The following CACNA2D3 variants were observed in gnomAD, a reference collection of about 807,000 sequenced individuals.
The protein encoded by CACNA2D3 is calcium voltage-gated channel auxiliary subunit alpha2delta 3, also known as voltage-dependent calcium channel subunit alpha-2/delta-3.
CACNA2D3 carries 60 observed loss-of-function variants against 160.6 expected under a neutral mutation model. The observed-to-expected ratio is 0.37, with a 90% CI of 0.30 to 0.46. The LOEUF is 0.46. Among genes scored for constraint, CACNA2D3 ranks in the 20% least tolerant of loss-of-function variants. CACNA2D3 has a pLI of 1.00. For missense variants in CACNA2D3, 1,205 were observed against 1,365.0 expected (o/e 0.88, Z 1.85); for synonymous variants, 558 against 492.9 (o/e 1.13, Z -1.75).
chr3:54,991,224 ATT>A (rs72441718), intron 31 of CACNA2D3, among the ~76,000 whole-genome samples: 19 of 138,642 alleles, frequency 1.4e-4, no homozygotes, highest in Admixed American at 1.5e-4. Flanking sequence ...AGTGTCGAGT[ATT>A]TTTTTTTTTT....
At chr3:54,733,172 C>T (rs573872291) in intron 11 of CACNA2D3, among the ~76,000 whole-genome samples, 70 of 152,300 alleles carry the variant, frequency 4.6e-4, no homozygotes, top group African/African-American at 1.6e-3. Flanking sequence ...TTAACTATCT[C>T]GGGACTTTTG....
At chr3:54,751,443 CTG>C (rs1452996693) in intron 11 of CACNA2D3, among the ~76,000 whole-genome samples, 4 of 149,870 alleles carry the variant, frequency 2.7e-5, no homozygotes, top group Non-Finnish European at 5.9e-5. Flanking sequence ...TTATAATCCA[CTG>C]TAAGCGTTTT....
At chr3:54,936,866 T>G (rs988209535) in intron 27 of CACNA2D3, among the ~76,000 whole-genome samples, 1 of 152,168 alleles carries the variant, frequency 6.6e-6, no homozygotes, top group Non-Finnish European at 1.5e-5. Flanking sequence ...TTGTCAACAT[T>G]TCATTTGTGA....
chr3:54,631,380 AAC>A (rs780292223), intron 10 of CACNA2D3, among the ~76,000 whole-genome samples: 11 of 152,204 alleles, frequency 7.2e-5, no homozygotes, highest in Non-Finnish European at 1.2e-4. Flanking sequence ...CTCTTTGACA[AAC>A]ACAGAGGTGG....
At chr3:54,265,640 T>C (rs113421764) in intron 2 of CACNA2D3, among the ~76,000 whole-genome samples, 4 of 147,766 alleles carry the variant, frequency 2.7e-5, no homozygotes, top group African/African-American at 1.0e-4. Context: ...TGTATATATA[T>C]AGTGTGTATA....
chr3:55,063,211 T>A (rs551948790), intron 35 of CACNA2D3, among the ~76,000 whole-genome samples: 2 of 152,256 alleles, frequency 1.3e-5, no homozygotes, highest in East Asian at 3.9e-4. Flanking sequence ...GCATCAGTAT[T>A]GCCTGGTAGA....
chr3:54,445,389 G>A (rs531148347), intron 4 of CACNA2D3, among the ~76,000 whole-genome samples: 2 of 152,294 alleles, frequency 1.3e-5, no homozygotes, highest in African/African-American at 4.8e-5. Flanking sequence ...CTGGAGTCTT[G>A]AGAATTCTTA....
At chr3:55,035,147 G>T (rs1463519082) in intron 35 of CACNA2D3, among the ~76,000 whole-genome samples, 1 of 152,180 alleles carries the variant, frequency 6.6e-6, no homozygotes, top group Non-Finnish European at 1.5e-5. Flanking sequence ...GGTGCTAGGA[G>T]AAGCCTGTTT....
At chr3:54,353,046 A>C (rs978459841) in intron 3 of CACNA2D3, among the ~76,000 whole-genome samples, 1 of 152,208 alleles carries the variant, frequency 6.6e-6, no homozygotes, top group Non-Finnish European at 1.5e-5. Context: ...TAAAATGTAT[A>C]ATCATTATTG....
chr3:54,871,202 C>CACACACAGAG (rs1553897794), intron 17 of CACNA2D3, among the ~76,000 whole-genome samples: 8 of 144,544 alleles, frequency 5.5e-5, no homozygotes, highest in African/African-American at 2.2e-4. Context: ...CACACACACA[C>CACACACAGAG]ACACACACAC....
At chr3:54,914,961 T>C (rs1299653514) in intron 27 of CACNA2D3, among the ~76,000 whole-genome samples, 4 of 152,140 alleles carry the variant, frequency 2.6e-5, no homozygotes, top group African/African-American at 9.7e-5. Context: ...TTTTAGAAAT[T>C]AGTTTAACCA....
At chr3:54,595,507 T>A (rs62255495) in intron 9 of CACNA2D3, among the ~76,000 whole-genome samples, 37,753 of 152,058 alleles carry the variant, frequency 0.25, 5,251 homozygotes, top group Middle Eastern at 0.37. Context: ...AAGGAGATGC[T>A]ATGGAGACTG....
intron 21 of CACNA2D3, 50 bp downstream of exon 21, chr3:54,880,913 G>C (rs772547703): frequency 1.3e-6 from 2 of 1,504,116 alleles, no homozygotes; most frequent in Non-Finnish European, 1.9e-6. Context: ...AGGAAAGCTC[G>C]GGAGCTAGCT....
intron 13 of CACNA2D3, among the ~76,000 whole-genome samples, chr3:54,802,168 A>G (rs1703005997): frequency 6.6e-6 from 1 of 152,126 alleles, no homozygotes; most frequent in Non-Finnish European, 1.5e-5. Flanking sequence ...AGCTGAAGCC[A>G]TGCAACTGGG....
At chr3:55,058,638 A>T (rs942916642) in intron 35 of CACNA2D3, among the ~76,000 whole-genome samples, 4 of 152,082 alleles carry the variant, frequency 2.6e-5, no homozygotes, top group Non-Finnish European at 5.9e-5. Context: ...TGTTTTTTTT[A>T]AATAGAAAGT....
At chr3:54,809,754 C>G (rs1703249991) in intron 13 of CACNA2D3, among the ~76,000 whole-genome samples, 1 of 151,420 alleles carries the variant, frequency 6.6e-6, no homozygotes, top group South Asian at 2.1e-4. Flanking sequence ...TCCCTCCCTC[C>G]CTGATCTTTT....
chr3:54,450,534 A>G (rs1278738789), intron 4 of CACNA2D3, among the ~76,000 whole-genome samples: 1 of 152,114 alleles, frequency 6.6e-6, no homozygotes, highest in Non-Finnish European at 1.5e-5. Context: ...CCTCATGAAT[A>G]GATTAATGCC....
At chr3:54,548,674 G>A (rs1004002401) in intron 5 of CACNA2D3, among the ~76,000 whole-genome samples, 15 of 152,198 alleles carry the variant, frequency 9.9e-5, no homozygotes, top group African/African-American at 3.6e-4. Context: ...GATGACAGGG[G>A]ATCCTGATCC....
At chr3:54,907,205 A>C (rs1273252154) in intron 27 of CACNA2D3, among the ~76,000 whole-genome samples, 1 of 152,222 alleles carries the variant, frequency 6.6e-6, no homozygotes, top group East Asian at 1.9e-4. Context: ...GGATGTGGAC[A>C]TAAAAGACAG....
Sources: allele counts gnomAD v4.1 joint callset (sites outside exome capture counted in the v4.1 genomes callset), GRCh38; gene constraint gnomAD v4.1.1; transcripts MANE v1.5; gene names NCBI Gene and HGNC (gene_info 2026-07-23, HGNC 2026-07-21).